Variants in IST1 observed in about 807,000 individuals in gnomAD.
The protein encoded by IST1 is IST1 homolog.
IST1 carries 23 observed loss-of-function variants against 37.0 expected under a neutral mutation model. The observed-to-expected ratio is 0.62, with a 90% CI of 0.45 to 0.88. IST1 has a LOEUF of 0.88. Among genes scored for constraint, IST1 ranks in the 40% least tolerant of loss-of-function variants. IST1 has a pLI of 0.00. For synonymous variants in IST1, 180 were observed against 161.7 expected (o/e 1.11, Z -0.86); for missense variants, 488 against 445.4 (o/e 1.10, Z -0.86).
chr16:71,895,944 G>A (rs1446751785), intron 1 of IST1, among the ~76,000 whole-genome samples: 2 of 152,232 alleles, frequency 1.3e-5, no homozygotes, highest in African/African-American at 4.8e-5. Flanking sequence ...GCTCCTCGGC[G>A]ACACCCCTAC....
At chr16:71,926,501 G>A (rs559857340) in intron 9 of IST1, among the ~76,000 whole-genome samples, 5 of 151,860 alleles carry the variant, frequency 3.3e-5, no homozygotes, top group East Asian at 2.0e-4. Context: ...CCCCCACCAC[G>A]CCTGGCTAAT....
intron 6 of IST1, 25 bp downstream of exon 6, chr16:71,921,478 A>T (rs2037582455): frequency 7.0e-7 from 1 of 1,426,716 alleles, no homozygotes; most frequent in South Asian, 1.2e-5. Flanking sequence ...GAATACAAAG[A>T]AAAATGAGTT....
intron 4 of IST1, among the ~76,000 whole-genome samples, chr16:71,918,417 CTTT>C (rs71695136): frequency 1.9e-4 from 22 of 115,300 alleles, no homozygotes; most frequent in South Asian, 3.0e-4. Flanking sequence ...CTTATGTAGG[CTTT>C]TTTTTTTTTT....
At chr16:71,904,695 A>G (rs2037182108) in intron 1 of IST1, among the ~76,000 whole-genome samples, 1 of 152,198 alleles carries the variant, frequency 6.6e-6, no homozygotes, top group African/African-American at 2.4e-5. Flanking sequence ...GGCATGAGCC[A>G]CCATACCTGG....
chr16:71,910,586 A>C (rs565916762), intron 1 of IST1, among the ~76,000 whole-genome samples: 4 of 150,420 alleles, frequency 2.7e-5, no homozygotes, highest in Non-Finnish European at 5.9e-5. Flanking sequence ...AGCCTGGGTG[A>C]CAGAGCAAGA....
intron 1 of IST1, among the ~76,000 whole-genome samples, chr16:71,895,965 C>T (rs765004492): frequency 6.6e-6 from 1 of 152,250 alleles, no homozygotes; most frequent in Non-Finnish European, 1.5e-5. Flanking sequence ...CCCGTCTTTT[C>T]TGGCCCGGAG....
At chr16:71,900,168 A>C (rs897129301) in intron 1 of IST1, among the ~76,000 whole-genome samples, 2 of 135,800 alleles carry the variant, frequency 1.5e-5, no homozygotes, top group African/African-American at 6.8e-5. Flanking sequence ...CTCGGTCTCA[A>C]AAAAAAAAAA....
intron 1 of IST1, among the ~76,000 whole-genome samples, chr16:71,900,715 C>G (rs1286566343): frequency 6.6e-6 from 1 of 152,022 alleles, no homozygotes; most frequent in African/African-American, 2.4e-5. Flanking sequence ...ATTGTGGTCA[C>G]TAGTTCATAA....
At chr16:71,922,770 C>T (rs1396887412) in intron 7 of IST1, 90 bp downstream of exon 7, 1 of 1,071,546 alleles carries the variant, frequency 9.3e-7, no homozygotes, top group Non-Finnish European at 1.4e-6. Context: ...CATAGGTTGT[C>T]AGGAGCCATT....
chr16:71,905,668 C>T (rs1361940745), intron 1 of IST1, among the ~76,000 whole-genome samples: 3 of 152,230 alleles, frequency 2.0e-5, no homozygotes, highest in African/African-American at 7.2e-5. Context: ...GCGTGAGCCA[C>T]CGCACCCAGT....
intron 1 of IST1, among the ~76,000 whole-genome samples, chr16:71,898,370 G>GA (rs57871135): frequency 0.51 from 51,209 of 100,646 alleles, 12,779 homozygotes; most frequent in East Asian, 0.91. Context: ...CTCTCTCTCA[G>GA]AAAAAAAAAA....
chr16:71,918,166 A>G (rs2037506125), intron 4 of IST1, among the ~76,000 whole-genome samples: 1 of 152,196 alleles, frequency 6.6e-6, no homozygotes, highest in African/African-American at 2.4e-5. Context: ...TGTCGAGTGT[A>G]TAAGCTGGCT....
At chr16:71,898,855 C>G (rs2037038150) in intron 1 of IST1, among the ~76,000 whole-genome samples, 1 of 151,344 alleles carries the variant, frequency 6.6e-6, no homozygotes, top group South Asian at 2.1e-4. Flanking sequence ...CTCCCAGCTA[C>G]TCGGGAGGCT....
upstream of IST1, chr16:71,894,913 G>A: frequency 2.4e-6 from 3 of 1,234,000 alleles, no homozygotes; most frequent in Non-Finnish European, 3.4e-6. Context: ...GAAATCGCCA[G>A]AGACTGTGGT....
chr16:71,930,187 G>A lies in IST1; in HGVS notation c.*2374G>A. On this transcript the variant is annotated 3_prime_UTR_variant, in exon 10 of 10. Transcript: ENST00000378799. ...GGACTGGGTCTAAAGCGAAAACCTG[G>A]GAAAACAATAAGAACACTTGCAGTG... 2.0e-6 allele frequency: 3 copies of A among 1,538,392 alleles called. No individual in the cohort carries two copies. The highest frequency in any genetic ancestry group is 1.2e-5 in the South Asian group (1 of 82,714).
chr16:71,902,451 G>A (rs1597233442), intron 1 of IST1, among the ~76,000 whole-genome samples: 2 of 152,104 alleles, frequency 1.3e-5, no homozygotes, highest in South Asian at 2.1e-4. Flanking sequence ...TGTATTTTTA[G>A]TAGAGATGGG....
intron 1 of IST1, among the ~76,000 whole-genome samples, chr16:71,895,854 G>A (rs1040873044): frequency 2.6e-5 from 4 of 152,204 alleles, no homozygotes; most frequent in African/African-American, 9.6e-5. Context: ...CTGGATCCTC[G>A]AAGCCCCTTA....
chr16:71,905,205 T>A (rs2037195954), intron 1 of IST1, among the ~76,000 whole-genome samples: 1 of 151,834 alleles, frequency 6.6e-6, no homozygotes, highest in South Asian at 2.1e-4. Flanking sequence ...CGGGCTAATT[T>A]TTGTATTTTT....
At chr16:71,901,841 C>T (rs1307566614) in intron 1 of IST1, among the ~76,000 whole-genome samples, 3 of 152,138 alleles carry the variant, frequency 2.0e-5, no homozygotes, top group Non-Finnish European at 4.4e-5. Context: ...AAACACTGTG[C>T]TAGGCAGTGT....
Sources: allele counts gnomAD v4.1 joint callset (sites outside exome capture counted in the v4.1 genomes callset), GRCh38; gene constraint gnomAD v4.1.1; transcripts MANE v1.5; gene names NCBI Gene and HGNC (gene_info 2026-07-23, HGNC 2026-07-21).